Variants in CEP57L1 observed in about 807,000 individuals in gnomAD.
CEP57L1 encodes the protein centrosomal protein CEP57L1.
A neutral mutation model predicts 61.0 loss-of-function variants in CEP57L1; 37 were observed. The ratio of observed to expected loss-of-function variants is 0.61; its 90% CI spans 0.47 to 0.80. CEP57L1 has a LOEUF of 0.80. Among genes scored for constraint, CEP57L1 ranks in the 30% least tolerant of loss-of-function variants. The pLI is 0.00. For missense variants in CEP57L1, 422 were observed against 524.7 expected, an observed-to-expected ratio of 0.80 and a Z score of 1.91; for synonymous variants, 137 against 162.3, an observed-to-expected ratio of 0.84 and a Z score of 1.19.
At chr6:109,120,010 C>G (rs772407217) in intron 1 of CEP57L1, among the ~76,000 whole-genome samples, 13 of 152,124 alleles carry the variant, frequency 8.5e-5, no homozygotes, top group Non-Finnish European at 1.9e-4. Context: ...ATAAAGATTT[C>G]TGGATATCAA....
At chr6:109,101,616 CTTTTTT>C (rs1782414041) in intron 1 of CEP57L1, among the ~76,000 whole-genome samples, 2 of 126,526 alleles carry the variant, frequency 1.6e-5, no homozygotes, top group South Asian at 5.9e-4. Context: ...TTTTCTTTTT[CTTTTTT>C]CTTTTTTTTT....
intron 4 of CEP57L1, among the ~76,000 whole-genome samples, chr6:109,152,890 C>G (rs1290875312): frequency 6.6e-6 from 1 of 151,994 alleles, no homozygotes; most frequent in Non-Finnish European, 1.5e-5. Context: ...GGGCAGATGA[C>G]TTGAGGTCAG....
chr6:109,153,217 A>G (rs1024315083), intron 4 of CEP57L1, among the ~76,000 whole-genome samples: 22 of 146,444 alleles, frequency 1.5e-4, no homozygotes, highest in African/African-American at 5.5e-4. Flanking sequence ...CTAATATAAC[A>G]CATCTAATCT....
At chr6:109,101,616 C>CTTTTTTTT (rs199499971) in intron 1 of CEP57L1, among the ~76,000 whole-genome samples, 7 of 126,524 alleles carry the variant, frequency 5.5e-5, no homozygotes, top group African/African-American at 1.7e-4. Flanking sequence ...TTTTCTTTTT[C>CTTTTTTTT]TTTTTTCTTT....
At chr6:109,129,493 G>A (rs529603553) in intron 1 of CEP57L1, 2 of 467,828 alleles carry the variant, frequency 4.3e-6, no homozygotes, top group East Asian at 6.9e-5. Context: ...CCAGATGAAG[G>A]TAGAGTACTC....
chr6:109,146,681 T>A (rs1032154673), intron 2 of CEP57L1, 77 bp from the exon 3 acceptor site: 1 of 1,000,962 alleles, frequency 1.0e-6, no homozygotes, highest in Non-Finnish European at 1.4e-6. Flanking sequence ...ATATACTGCT[T>A]ATTTTTCTTA....
chr6:109,142,619 A>G (rs1400514413), intron 1 of CEP57L1, among the ~76,000 whole-genome samples: 1 of 148,090 alleles, frequency 6.8e-6, no homozygotes, highest in African/African-American at 2.5e-5. Context: ...TAAAAATTTT[A>G]AGAAAAAAAA....
intron 1 of CEP57L1, among the ~76,000 whole-genome samples, chr6:109,105,851 G>A (rs1312229970): frequency 6.6e-6 from 1 of 152,180 alleles, no homozygotes; most frequent in Non-Finnish European, 1.5e-5. Flanking sequence ...AGCTTCATCT[G>A]TATTTACAGC....
At chr6:109,147,913 A>G (rs562228407) in intron 3 of CEP57L1, among the ~76,000 whole-genome samples, 1 of 152,292 alleles carries the variant, frequency 6.6e-6, no homozygotes, top group East Asian at 1.9e-4. Flanking sequence ...GGAGGAGACA[A>G]TATTAAACCA....
At chr6:109,112,842 A>G (rs1288234773) in intron 1 of CEP57L1, among the ~76,000 whole-genome samples, 1 of 152,040 alleles carries the variant, frequency 6.6e-6, no homozygotes, top group Admixed American at 6.6e-5. Context: ...CTTAATCCTG[A>G]GTTCTGATTT....
chr6:109,170,378 A>G lies in CEP57L1; in HGVS notation c.*7408A>G, dbSNP rs903188423. Among the ~76,000 whole-genome samples the G allele has an allele frequency of 2.0e-5, 3 of 152,160 alleles. No homozygotes were observed. The highest frequency in any genetic ancestry group is 4.4e-5 in the Non-Finnish European group (3 of 68,014). ...TTAAGTAAATTTTAGGATAGGTTCT[A>G]AAAAACCTTGAGAGGCATTTTGTTG... On this transcript the variant is annotated 3_prime_UTR_variant, in exon 11 of 11. Transcript: ENST00000517392.
At chr6:109,096,062 G>A (rs183311539) in intron 1 of CEP57L1, among the ~76,000 whole-genome samples, 3 of 152,234 alleles carry the variant, frequency 2.0e-5, no homozygotes, top group Admixed American at 1.3e-4. Context: ...CAGGCTTTAA[G>A]GATACAGCAG....
At chr6:109,127,311 A>G (rs1773669693) in intron 1 of CEP57L1, among the ~76,000 whole-genome samples, 1 of 152,164 alleles carries the variant, frequency 6.6e-6, no homozygotes, top group African/African-American at 2.4e-5. Flanking sequence ...TACTTGATAT[A>G]CTGTTGACTC....
intron 1 of CEP57L1, among the ~76,000 whole-genome samples, chr6:109,136,921 A>G (rs891376897): frequency 6.6e-6 from 1 of 151,776 alleles, no homozygotes; most frequent in Non-Finnish European, 1.5e-5. Flanking sequence ...GCGCCCTACA[A>G]TGTATTTTTA....
intron 9 of CEP57L1, 90 bp from the exon 10 acceptor site, chr6:109,160,482 T>A: frequency 1.9e-6 from 2 of 1,057,884 alleles, no homozygotes; most frequent in Non-Finnish European, 2.8e-6. Context: ...CTGACTAAAA[T>A]TTATGATTGA....
In CEP57L1 at chr6:109,171,743, T is replaced by C. The variant is rs1774418342; in HGVS notation, c.*8773T>C. Among the ~76,000 whole-genome samples the C allele has an allele frequency of 6.6e-6, 1 of 152,198 alleles. No homozygotes were observed. Among genetic ancestry groups the C allele is most frequent in the Non-Finnish European group, 1.5e-5 (1 of 68,032 alleles). The stretch of plus-strand genomic sequence containing the variant: ...GAAAAAACCTACAAAATTACCAAAG[T>C]CACCAAGTTTAGTTATTCTTTTCAT... On this transcript the variant is annotated 3_prime_UTR_variant, in exon 11 of 11. Transcript: ENST00000517392.
chr6:109,138,968 G>T (rs1368620367), intron 1 of CEP57L1, among the ~76,000 whole-genome samples: 1 of 151,994 alleles, frequency 6.6e-6, no homozygotes, highest in Non-Finnish European at 1.5e-5. Context: ...CTTTTCTTAT[G>T]AAGTCATGAA....
At chr6:109,127,304 T>C (rs1773668246) in intron 1 of CEP57L1, among the ~76,000 whole-genome samples, 1 of 152,242 alleles carries the variant, frequency 6.6e-6, no homozygotes, top group African/African-American at 2.4e-5. Flanking sequence ...CCAATTTTAC[T>C]TGATATACTG....
In CEP57L1 at chr6:109,166,381, CTTTT is replaced by C. The variant is rs559614206; in HGVS notation, c.*3424_*3427del. On this transcript the variant is annotated 3_prime_UTR_variant, in exon 11 of 11. Transcript: ENST00000517392. ...GTAATTTTAACTATAAATGTATATT[CTTTT>C]TTTTTTTTTTTTGGTGGGCATGGAG... 8.2e-5 allele frequency among the ~76,000 whole-genome samples: 11 copies of C among 134,484 alleles called. No individual in the cohort carries two copies. Among genetic ancestry groups the C allele is most frequent in the Admixed American group, 7.5e-5 (1 of 13,306 alleles). The allele number at this position is 134,484 out of a possible 152,430, so 88.2% of individuals were successfully genotyped here. A position where few individuals can be genotyped will look rare whatever the true frequency, so the allele number is the denominator to read the frequency against.
Sources: allele counts gnomAD v4.1 joint callset (sites outside exome capture counted in the v4.1 genomes callset), GRCh38; gene constraint gnomAD v4.1.1; transcripts MANE v1.5; gene names NCBI Gene and HGNC (gene_info 2026-07-23, HGNC 2026-07-21).